SGCZ: variants seen among roughly 807,000 people sequenced by gnomAD.
The protein encoded by SGCZ is zeta-sarcoglycan.
A neutral mutation model predicts 41.3 loss-of-function variants in SGCZ; 40 were observed. The ratio of observed to expected loss-of-function variants is 0.97; its 90% CI spans 0.75 to 1.26. The LOEUF (loss-of-function observed/expected upper bound fraction) is 1.26, where lower values mean the gene tolerates loss of function less well. SGCZ is among the 50% of genes most tolerant of loss of function. SGCZ has a pLI of 0.00. For synonymous variants in SGCZ, 206 were observed against 137.5 expected, an observed-to-expected ratio of 1.50 and a Z score of -3.49; for missense variants, 552 against 369.8, an observed-to-expected ratio of 1.49 and a Z score of -4.04.
At chr8:15,101,087 C>G (rs985800723) in intron 1 of SGCZ, among the ~76,000 whole-genome samples, 15 of 152,104 alleles carry the variant, frequency 9.9e-5, no homozygotes, top group Non-Finnish European at 1.5e-4. Context: ...ACGACTTATA[C>G]TTTTCATACA....
chr8:14,142,372 G>C (rs916346694), intron 5 of SGCZ, among the ~76,000 whole-genome samples: 1 of 151,792 alleles, frequency 6.6e-6, no homozygotes, highest in Non-Finnish European at 1.5e-5. Context: ...TTTTTTCTAA[G>C]AACAAAATTC....
intron 2 of SGCZ, among the ~76,000 whole-genome samples, chr8:14,452,340 C>G (rs1422414352): frequency 6.6e-6 from 1 of 152,012 alleles, no homozygotes; most frequent in African/African-American, 2.4e-5. Flanking sequence ...CAGTGGATTT[C>G]CAGGACAGTA....
At chr8:14,809,877 A>T (rs1178204689) in intron 1 of SGCZ, among the ~76,000 whole-genome samples, 1 of 152,142 alleles carries the variant, frequency 6.6e-6, no homozygotes, top group Non-Finnish European at 1.5e-5. Flanking sequence ...TGTTTTGATT[A>T]GTTAAAAGGC....
intron 1 of SGCZ, among the ~76,000 whole-genome samples, chr8:14,601,575 T>C (rs946257086): frequency 6.6e-6 from 1 of 152,204 alleles, no homozygotes; most frequent in African/African-American, 2.4e-5. Context: ...GAACCTGTTC[T>C]AATACGTAGA....
intron 1 of SGCZ, among the ~76,000 whole-genome samples, chr8:15,083,668 C>T (rs902020742): frequency 2.6e-5 from 4 of 152,200 alleles, no homozygotes. Context: ...CCCACCTCAG[C>T]CTCCAGAGTA....
At chr8:14,751,433 C>T (rs1022074230) in intron 1 of SGCZ, among the ~76,000 whole-genome samples, 1 of 152,060 alleles carries the variant, frequency 6.6e-6, no homozygotes, top group South Asian at 2.1e-4. Context: ...ATCAAAAACA[C>T]ATAGACAGTT....
At chr8:14,545,709 T>C (rs893827700) in intron 2 of SGCZ, among the ~76,000 whole-genome samples, 5 of 152,162 alleles carry the variant, frequency 3.3e-5, no homozygotes, top group Admixed American at 6.6e-5. Context: ...AAAAGGGCAC[T>C]AAACTAAAGT....
At chr8:14,806,174 G>A (rs1801519600) in intron 1 of SGCZ, among the ~76,000 whole-genome samples, 1 of 151,998 alleles carries the variant, frequency 6.6e-6, no homozygotes, top group Non-Finnish European at 1.5e-5. Flanking sequence ...AAAGGAACTA[G>A]AAAAGCAAGA....
chr8:14,520,514 T>C (rs1802757098), intron 2 of SGCZ, among the ~76,000 whole-genome samples: 1 of 152,174 alleles, frequency 6.6e-6, no homozygotes, highest in Non-Finnish European at 1.5e-5. Flanking sequence ...TTTTAAAATG[T>C]AACAATTCTG....
chr8:15,009,105 G>A (rs768410397), intron 1 of SGCZ, among the ~76,000 whole-genome samples: 3 of 152,104 alleles, frequency 2.0e-5, no homozygotes, highest in Non-Finnish European at 4.4e-5. Context: ...TTCTCACACT[G>A]CCATAAAGAA....
At chr8:14,117,712 C>A (rs1802568304) in intron 5 of SGCZ, among the ~76,000 whole-genome samples, 1 of 151,466 alleles carries the variant, frequency 6.6e-6, no homozygotes, top group African/African-American at 2.4e-5. Flanking sequence ...TTAGGTATTT[C>A]TCCTAATGTT....
chr8:14,903,685 A>T (rs941745714), intron 1 of SGCZ, among the ~76,000 whole-genome samples: 1 of 152,050 alleles, frequency 6.6e-6, no homozygotes, highest in African/African-American at 2.4e-5. Context: ...GTATTACTGG[A>T]GACTTATGTA....
chr8:14,212,832 T>C (rs1335773875), intron 4 of SGCZ, among the ~76,000 whole-genome samples: 4 of 152,002 alleles, frequency 2.6e-5, no homozygotes, highest in African/African-American at 9.7e-5. Flanking sequence ...TTCTAAAACA[T>C]ATTAAAATAG....
chr8:14,685,180 T>C (rs1899366), intron 1 of SGCZ, among the ~76,000 whole-genome samples: 94,912 of 152,054 alleles, frequency 0.62, 32,131 homozygotes, highest in Non-Finnish European at 0.75. Flanking sequence ...CAAGTTATGT[T>C]CTGCTTGTAT....
intron 5 of SGCZ, among the ~76,000 whole-genome samples, chr8:14,148,130 A>C (rs1273633606): frequency 6.6e-6 from 1 of 152,148 alleles, no homozygotes; most frequent in African/African-American, 2.4e-5. Context: ...ACAGTCTAAC[A>C]ATGCATCTTA....
intron 1 of SGCZ, among the ~76,000 whole-genome samples, chr8:15,086,369 C>G (rs921702016): frequency 6.6e-6 from 1 of 152,132 alleles, no homozygotes; most frequent in East Asian, 1.9e-4. Flanking sequence ...CCAATCAGCT[C>G]CTCTTAGAGG....
At chr8:14,314,076 G>C (rs1801635877) in intron 3 of SGCZ, among the ~76,000 whole-genome samples, 1 of 151,966 alleles carries the variant, frequency 6.6e-6, no homozygotes, top group Non-Finnish European at 1.5e-5. Context: ...GTGTCTGAGA[G>C]ACCTCACCAG....
At chr8:14,961,608 T>G (rs897940963) in intron 1 of SGCZ, among the ~76,000 whole-genome samples, 1 of 152,186 alleles carries the variant, frequency 6.6e-6, no homozygotes, top group African/African-American at 2.4e-5. Flanking sequence ...TAGTATATGA[T>G]AAACTTTAAG....
At chr8:14,148,510 A>G (rs960845008) in intron 5 of SGCZ, among the ~76,000 whole-genome samples, 2 of 152,034 alleles carry the variant, frequency 1.3e-5, no homozygotes, top group African/African-American at 4.8e-5. Context: ...GAACAGACCA[A>G]TAAGAAGTAC....
Sources: gnomAD v4.1 joint callset for allele counts (sites outside exome capture counted in the v4.1 genomes callset) on GRCh38, gnomAD v4.1.1 for gene constraint, MANE v1.5 for transcripts, NCBI Gene and HGNC (gene_info 2026-07-23, HGNC 2026-07-21) for gene names.